The following PVT1 variants were observed in gnomAD, a reference collection of about 807,000 sequenced individuals.
The protein encoded by PVT1 is CXCR4/PVT1 fusion.
chr8:127,802,281 A>G (rs148718902), intron 2 of PVT1, among the ~76,000 whole-genome samples: 558 of 151,958 alleles, frequency 3.7e-3, no homozygotes, highest in Non-Finnish European at 6.4e-3. Context: ...TGATGTGTTC[A>G]TAGATCATTA....
chr8:127,803,705 T>C (rs2129647280), intron 2 of PVT1: 1 of 149,906 alleles, frequency 6.7e-6, no homozygotes, highest in African/African-American at 2.5e-5. Context: ...GGCAACATAG[T>C]GAGATCCTGT....
intron 2 of PVT1, among the ~76,000 whole-genome samples, chr8:127,847,431 G>A (rs372789701): frequency 6.6e-6 from 1 of 152,334 alleles, no homozygotes; most frequent in Admixed American, 6.5e-5. Flanking sequence ...AACTACAAAA[G>A]CATGTGCCCT....
At position 128,007,858 on chromosome 8, in the gene PVT1, T is replaced by G. The variant is rs1817265588; in HGVS notation, n.912+18567T>G. 3.3e-5 allele frequency among the ~76,000 whole-genome samples: 5 copies of G among 152,364 alleles called. No individual in the cohort carries two copies. The South Asian group carries it at 1.0e-3, about 32-fold the overall frequency. ...TTGCCCAGTGGACACCCACCTAATT[T>G]TCACTCCACAAACCACTGTCCTACA... On this transcript the variant is annotated intron_variant and non_coding_transcript_variant, in intron 4 of 10. Transcript: ENST00000651587.
chr8:127,903,837 A>G (rs997476591), intron 3 of PVT1, among the ~76,000 whole-genome samples: 1 of 152,164 alleles, frequency 6.6e-6, no homozygotes, highest in Non-Finnish European at 1.5e-5. Flanking sequence ...GCCTTGTAGT[A>G]TAATTTGAAG....
intron 2 of PVT1, among the ~76,000 whole-genome samples, chr8:127,841,871 G>T (rs1487984657): frequency 5.3e-5 from 8 of 151,908 alleles, no homozygotes; most frequent in Non-Finnish European, 1.2e-4. Flanking sequence ...GACCACAGGT[G>T]TGCGCCACTA....
At chr8:127,927,546 G>A (rs1816145311) in intron 3 of PVT1, among the ~76,000 whole-genome samples, 1 of 152,180 alleles carries the variant, frequency 6.6e-6, no homozygotes, top group Non-Finnish European at 1.5e-5. Flanking sequence ...CTTGCTGCAT[G>A]GTCCAGGATC....
At position 128,030,698 on chromosome 8, in the gene PVT1, A is replaced by G. The variant is rs142198125; in HGVS notation, n.913-39462A>G. 9.6e-4 allele frequency among the ~76,000 whole-genome samples: 146 copies of G among 152,342 alleles called. No individual in the cohort carries two copies. In the Middle Eastern group the frequency reaches 0.01, roughly 11 times the overall value. ...CTGTCATCTCCCCAGCATCTGCCACAAAGTGGACATTCTGTTAATAGTTAC... is the reference window on the plus strand; with the variant it reads ...CTGTCATCTCCCCAGCATCTGCCACGAAGTGGACATTCTGTTAATAGTTAC... On this transcript the variant is annotated intron_variant and non_coding_transcript_variant, in intron 4 of 10. Coordinates refer to ENST00000651587, the Ensembl canonical transcript of PVT1.
chr8:128,020,027 T>C (rs1817415111), intron 4 of PVT1, among the ~76,000 whole-genome samples: 1 of 150,622 alleles, frequency 6.6e-6, no homozygotes, highest in East Asian at 2.0e-4. Context: ...TTTCCTGATT[T>C]TCGTCTTTTC....
intron 4 of PVT1, among the ~76,000 whole-genome samples, chr8:128,026,523 G>A (rs1813286444): frequency 6.6e-6 from 1 of 152,122 alleles, no homozygotes; most frequent in South Asian, 2.1e-4. Context: ...CCCACGTCGA[G>A]CAGTGGGTAG....
chr8:127,974,909 TA>T (rs200727245), intron 3 of PVT1, among the ~76,000 whole-genome samples: 36 of 151,964 alleles, frequency 2.4e-4, no homozygotes, highest in Admixed American at 9.8e-4. Context: ...CACTTTTTTT[TA>T]ATCCTAAAGC....
At chr8:128,083,957 A>G (rs114313462) in intron 5 of PVT1, among the ~76,000 whole-genome samples, 1 of 152,276 alleles carries the variant, frequency 6.6e-6, no homozygotes, top group African/African-American at 2.4e-5. Context: ...CCATTAGCAA[A>G]TCCTATGGAA....
chr8:127,864,885 C>A (rs28459758), intron 2 of PVT1, among the ~76,000 whole-genome samples: 59,723 of 152,050 alleles, frequency 0.39, 15,156 homozygotes, highest in African/African-American at 0.72. Context: ...CAGTGGAGGC[C>A]GCGGGAACTA....
At chr8:127,985,329 G>A (rs1194280180) in intron 3 of PVT1, among the ~76,000 whole-genome samples, 1 of 151,736 alleles carries the variant, frequency 6.6e-6, no homozygotes, top group African/African-American at 2.4e-5. Context: ...ACCGCGCCCA[G>A]CCTTCCAGGC....
intron 4 of PVT1, among the ~76,000 whole-genome samples, chr8:128,031,971 G>A (rs6987613): frequency 0.14 from 21,912 of 152,092 alleles, 3,572 homozygotes; most frequent in African/African-American, 0.41. Flanking sequence ...CAACCATGTC[G>A]TGATGATGAT....
At chr8:127,796,960 C>A (rs1379761828) in intron 2 of PVT1, among the ~76,000 whole-genome samples, 4 of 146,636 alleles carry the variant, frequency 2.7e-5, no homozygotes, top group Non-Finnish European at 6.0e-5. Context: ...CTCACTGCAA[C>A]TTCCGCCTCC....
chr8:127,980,791 C>CTTTTTTTTTTTTTTTTTTTTTTTTTT (rs11361552), intron 3 of PVT1, among the ~76,000 whole-genome samples: 1 of 120,416 alleles, frequency 8.3e-6, no homozygotes. Context: ...ACTACAGCTT[C>CTTTTTTTTTTTTTTTTTTTTTTTTTT]TTTTTTTTTT....
intron 4 of PVT1, among the ~76,000 whole-genome samples, chr8:128,000,478 GA>G (rs1485766122): frequency 6.6e-6 from 1 of 152,236 alleles, no homozygotes; most frequent in Admixed American, 6.5e-5. Context: ...CAGTTGTTGA[GA>G]AATGTTTTGA....
chr8:128,040,328 C>T (rs1353570476), intron 4 of PVT1, among the ~76,000 whole-genome samples: 11 of 152,332 alleles, frequency 7.2e-5, no homozygotes. Flanking sequence ...AATTCTGACC[C>T]CACATTGCCT....
chr8:127,914,683 A>G (rs903497770), intron 3 of PVT1, among the ~76,000 whole-genome samples: 2 of 152,250 alleles, frequency 1.3e-5, no homozygotes, highest in East Asian at 3.8e-4. Flanking sequence ...GCTAGGCACA[A>G]AAAGTCACAT....
Sources: gnomAD v4.1 joint callset for allele counts (sites outside exome capture counted in the v4.1 genomes callset) on GRCh38, gnomAD v4.1.1 for gene constraint, MANE v1.5 for transcripts, NCBI Gene and HGNC (gene_info 2026-07-23, HGNC 2026-07-21) for gene names.